Variants in IGF1R observed in about 807,000 individuals in gnomAD.
IGF1R encodes insulin like growth factor 1 receptor.
In IGF1R, 44 loss-of-function variants were observed where a neutral mutation model predicts 144.6. That is an observed-to-expected ratio of 0.30 (90% CI 0.24 to 0.39). The LOEUF (loss-of-function observed/expected upper bound fraction) is 0.39, where lower values mean the gene tolerates loss of function less well. Ranked by LOEUF, IGF1R falls within the 10% of genes least tolerant of loss-of-function variation. The probability of loss-of-function intolerance (pLI) is 1.00; values close to 1 mark genes in which losing one functional copy is unlikely to be tolerated. For synonymous variants in IGF1R, 795 were observed against 722.8 expected, an observed-to-expected ratio of 1.10 and a Z score of -1.60; for missense variants, 1,355 against 1,833.7, an observed-to-expected ratio of 0.74 and a Z score of 4.77.
intron 19 of IGF1R, among the ~76,000 whole-genome samples, chr15:98,945,568 C>T (rs747098032): frequency 2.6e-5 from 4 of 152,062 alleles, no homozygotes; most frequent in Non-Finnish European, 5.9e-5. Context: ...AGAGCCAACA[C>T]CACATAGTAA....
chr15:98,845,403 TCCC>T (rs2011274015), intron 2 of IGF1R, among the ~76,000 whole-genome samples: 1 of 59,970 alleles, frequency 1.7e-5, no homozygotes, highest in Non-Finnish European at 3.2e-5. Flanking sequence ...CCTCCTCGCC[TCCC>T]TCCTCCTCCC....
intron 2 of IGF1R, among the ~76,000 whole-genome samples, chr15:98,781,525 A>G (rs1264235690): frequency 1.3e-5 from 2 of 152,192 alleles, no homozygotes; most frequent in South Asian, 2.1e-4. Flanking sequence ...TCAGTTTTCC[A>G]TTTATATTTA....
chr15:98,833,158 C>T (rs2057032349), intron 2 of IGF1R, among the ~76,000 whole-genome samples: 1 of 152,162 alleles, frequency 6.6e-6, no homozygotes, highest in Non-Finnish European at 1.5e-5. Context: ...GGTGAATGAA[C>T]CATATTAGAA....
At chr15:98,687,600 C>T (rs979791872) in intron 1 of IGF1R, among the ~76,000 whole-genome samples, 2 of 152,060 alleles carry the variant, frequency 1.3e-5, no homozygotes, top group Non-Finnish European at 2.9e-5. Flanking sequence ...TTGGAAAGTC[C>T]GCCTTGGTAG....
At chr15:98,917,739 C>CAGAT (rs1272259687) in intron 10 of IGF1R, among the ~76,000 whole-genome samples, 1 of 152,114 alleles carries the variant, frequency 6.6e-6, no homozygotes, top group East Asian at 1.9e-4. Flanking sequence ...CACAAAAGGA[C>CAGAT]AGATAGTGTA....
intron 5 of IGF1R, among the ~76,000 whole-genome samples, chr15:98,906,252 C>A (rs1365537411): frequency 6.6e-6 from 1 of 152,182 alleles, no homozygotes. Flanking sequence ...TGGTTCCGTT[C>A]CCTGCTAGTG....
intron 2 of IGF1R, among the ~76,000 whole-genome samples, chr15:98,879,034 C>T (rs987044345): frequency 2.0e-5 from 3 of 151,974 alleles, no homozygotes; most frequent in Non-Finnish European, 4.4e-5. Context: ...GTTGTGAGAG[C>T]GACACTGTGT....
chr15:98,765,523 C>T (rs947531415), intron 2 of IGF1R, among the ~76,000 whole-genome samples: 1 of 151,492 alleles, frequency 6.6e-6, no homozygotes, highest in Non-Finnish European at 1.5e-5. Context: ...GGAGTGTTGC[C>T]ATGTTGGCCA....
intron 2 of IGF1R, among the ~76,000 whole-genome samples, chr15:98,869,902 C>G (rs960748998): frequency 6.6e-6 from 1 of 152,128 alleles, no homozygotes; most frequent in African/African-American, 2.4e-5. Flanking sequence ...GTAAGGCTCT[C>G]TGGGAGGAGC....
At chr15:98,678,955 G>A (rs1596174927) in intron 1 of IGF1R, among the ~76,000 whole-genome samples, 1 of 130,476 alleles carries the variant, frequency 7.7e-6, no homozygotes, top group South Asian at 2.3e-4. Flanking sequence ...ACAGGATCTC[G>A]CTCTTGTCCC....
chr15:98,923,096 G>A (rs1477599870), intron 11 of IGF1R, among the ~76,000 whole-genome samples: 19 of 152,218 alleles, frequency 1.2e-4, no homozygotes, highest in Admixed American at 9.2e-4. Flanking sequence ...TGAGGCAGTC[G>A]TCAGGCTCCC....
chr15:98,714,377 C>G (rs2054066422), intron 2 of IGF1R, among the ~76,000 whole-genome samples: 1 of 152,102 alleles, frequency 6.6e-6, no homozygotes, highest in Non-Finnish European at 1.5e-5. Context: ...GGCGCAGTGG[C>G]TAACACCTGT....
intron 2 of IGF1R, among the ~76,000 whole-genome samples, chr15:98,818,407 C>G (rs897328729): frequency 6.6e-6 from 1 of 152,098 alleles, no homozygotes; most frequent in African/African-American, 2.4e-5. Flanking sequence ...AACAGTCAGT[C>G]TAGCTGCTGG....
At chr15:98,726,086 A>G (rs1019590489) in intron 2 of IGF1R, among the ~76,000 whole-genome samples, 2 of 152,218 alleles carry the variant, frequency 1.3e-5, no homozygotes, top group Admixed American at 6.5e-5. Flanking sequence ...TTCACTGAAC[A>G]ATGACTAGGT....
At chr15:98,703,155 T>G (rs1035615147) in intron 1 of IGF1R, among the ~76,000 whole-genome samples, 2 of 152,110 alleles carry the variant, frequency 1.3e-5, no homozygotes, top group Non-Finnish European at 2.9e-5. Flanking sequence ...CCTGCTTGTC[T>G]TATTCTTTAC....
rs2141153578 is a variant in IGF1R, at chr15:98,649,169, C to T, written c.-413C>T. ...CCTCCCGCGGCGGAAGCTCGGGCGT[C>T]CGGCCGCCTCCCGCGCGGCCAGGGC... On this transcript the variant is annotated 5_prime_UTR_variant, in exon 1 of 21. Coordinates refer to ENST00000650285, the MANE Select transcript of IGF1R (RefSeq NM_000875.5). 4.5e-6 allele frequency: 1 copy of T among 219,826 alleles called. No homozygotes were observed. The highest frequency in any genetic ancestry group is 6.4e-5 in the East Asian group (1 of 15,736). 13.6% of individuals were successfully genotyped at this position (219,826 alleles called of 1,614,324 possible). A position where few individuals can be genotyped will look rare whatever the true frequency, so the allele number is the denominator to read the frequency against.
chr15:98,788,052 C>CTGTGTGTGTGTGTGTG (rs1167503156), intron 2 of IGF1R, among the ~76,000 whole-genome samples: 84 of 139,626 alleles, frequency 6.0e-4, no homozygotes, highest in African/African-American at 2.1e-3. Flanking sequence ...CTCTCTCTCT[C>CTGTGTGTGTGTGTGTG]TCTCTCTCTC....
At chr15:98,878,069 A>G (rs2013152758) in intron 2 of IGF1R, among the ~76,000 whole-genome samples, 1 of 152,258 alleles carries the variant, frequency 6.6e-6, no homozygotes, top group African/African-American at 2.4e-5. Context: ...AGGTATGTGT[A>G]ATAGGCAGTG....
intron 19 of IGF1R, among the ~76,000 whole-genome samples, chr15:98,945,545 T>C (rs769538752): frequency 6.6e-6 from 1 of 152,198 alleles, no homozygotes; most frequent in African/African-American, 2.4e-5. Context: ...CTTGATTTTA[T>C]ATGAAGTCAT....
Sources: gnomAD v4.1 joint callset for allele counts (sites outside exome capture counted in the v4.1 genomes callset) on GRCh38, gnomAD v4.1.1 for gene constraint, MANE v1.5 for transcripts, NCBI Gene and HGNC (gene_info 2026-07-23, HGNC 2026-07-21) for gene names.